The following RGS7 variants were observed in gnomAD, a reference collection of about 807,000 sequenced individuals.
The protein encoded by RGS7 is regulator of G protein signaling 7.
In RGS7, 27 loss-of-function variants were observed where a neutral mutation model predicts 81.1. That is an observed-to-expected ratio of 0.33 (90% confidence interval 0.25 to 0.46). RGS7 has a LOEUF of 0.46. RGS7 is among the 20% of genes least tolerant of loss of function. The pLI is 1.00. For missense variants in RGS7, 396 were observed against 607.4 expected, an observed-to-expected ratio of 0.65 and a Z score of 3.66; for synonymous variants, 208 against 207.7, an observed-to-expected ratio of 1.00 and a Z score of -0.01.
intron 2 of RGS7, among the ~76,000 whole-genome samples, chr1:241,266,447 T>C (rs1553303988): frequency 6.6e-6 from 1 of 152,216 alleles, no homozygotes; most frequent in Non-Finnish European, 1.5e-5. Context: ...ACTTATTCCA[T>C]TCTTTAATTT....
At chr1:241,178,606 G>T (rs1558159300) in intron 2 of RGS7, among the ~76,000 whole-genome samples, 1 of 152,164 alleles carries the variant, frequency 6.6e-6, no homozygotes, top group South Asian at 2.1e-4. Flanking sequence ...GTTGTTTCAG[G>T]AAGGAGGACA....
At chr1:241,074,645 A>T (rs1197117942) in intron 3 of RGS7, among the ~76,000 whole-genome samples, 1 of 152,198 alleles carries the variant, frequency 6.6e-6, no homozygotes, top group Non-Finnish European at 1.5e-5. Context: ...TTCTAGCGAA[A>T]GTACTGGCCA....
At chr1:240,827,864 CAAAAAAAAAAAA>C (rs57562408) in intron 9 of RGS7, among the ~76,000 whole-genome samples, 1 of 52,864 alleles carries the variant, frequency 1.9e-5, no homozygotes, top group African/African-American at 5.2e-5. Flanking sequence ...AACTCCATTG[CAAAAAAAAAAAA>C]AAAAAAAAAA....
At chr1:241,277,541 C>A (rs1347808606) in intron 2 of RGS7, among the ~76,000 whole-genome samples, 1 of 151,890 alleles carries the variant, frequency 6.6e-6, no homozygotes, top group East Asian at 1.9e-4. Flanking sequence ...ATGGTGTGAA[C>A]CCAGGAGGTG....
intron 2 of RGS7, among the ~76,000 whole-genome samples, chr1:241,104,991 G>T (rs1008679061): frequency 6.6e-6 from 1 of 152,170 alleles, no homozygotes; most frequent in Non-Finnish European, 1.5e-5. Context: ...ATTTGGTCTT[G>T]AGATGTTTGA....
chr1:241,237,493 A>G (rs2076042863), intron 2 of RGS7, among the ~76,000 whole-genome samples: 1 of 152,168 alleles, frequency 6.6e-6, no homozygotes, highest in Admixed American at 6.5e-5. Flanking sequence ...AGGAGCACGT[A>G]TATTAACAAG....
rs546646939 is a variant in RGS7 at position 240,934,077 on chromosome 1, C to T, written c.333+2523G>A. Among the ~76,000 whole-genome samples the T allele has an allele frequency of 3.7e-4, 56 of 152,252 alleles. 1 individual carries two copies. Among genetic ancestry groups the T allele is most frequent in the Admixed American group, 1.2e-3 (18 of 15,288 alleles). On this transcript the variant is annotated intron_variant, in intron 5 of 18. Transcript: ENST00000440928. ...CTCCTGGGTTCAAGCAATTCTCCTGCCTCAGCCTCCCAAGTAGCTGGGACT... is the reference window on the plus strand; with the variant it reads ...CTCCTGGGTTCAAGCAATTCTCCTGTCTCAGCCTCCCAAGTAGCTGGGACT...
chr1:241,020,361 C>G (rs1247829202), intron 3 of RGS7, among the ~76,000 whole-genome samples: 1 of 151,958 alleles, frequency 6.6e-6, no homozygotes, highest in African/African-American at 2.4e-5. Context: ...GGTCATACTC[C>G]CTTCAAAAGC....
chr1:240,920,305 G>T, intron 6 of RGS7: 1 of 1,416,154 alleles, frequency 7.1e-7, no homozygotes. Context: ...TTTGGTCGTG[G>T]AGGAAACTTC....
chr1:240,891,184 T>C (rs1430232461), intron 6 of RGS7, among the ~76,000 whole-genome samples: 1 of 139,768 alleles, frequency 7.2e-6, no homozygotes, highest in East Asian at 2.1e-4. Flanking sequence ...AATTTAATTA[T>C]TTTTTTCCAG....
chr1:241,124,165 G>A (rs2066486591), intron 2 of RGS7, among the ~76,000 whole-genome samples: 1 of 151,958 alleles, frequency 6.6e-6, no homozygotes, highest in Non-Finnish European at 1.5e-5. Flanking sequence ...AGGCCGAGGC[G>A]GGAGGACTGC....
chr1:240,894,706 T>C (rs12755230), intron 6 of RGS7, among the ~76,000 whole-genome samples: 2 of 152,074 alleles, frequency 1.3e-5, no homozygotes, highest in African/African-American at 2.4e-5. Flanking sequence ...ATTTTAATGG[T>C]CTAAAAATAT....
chr1:240,851,995 T>C (rs1207803756), intron 9 of RGS7, among the ~76,000 whole-genome samples: 1 of 152,226 alleles, frequency 6.6e-6, no homozygotes, highest in Admixed American at 6.5e-5. Context: ...GAATATTATA[T>C]AAACTTAGTT....
chr1:240,920,737 T>C (rs1334376664), intron 6 of RGS7: 2 of 580,338 alleles, frequency 3.4e-6, no homozygotes, highest in Non-Finnish European at 6.4e-6. Context: ...AAAGAAGACA[T>C]GTTTTAGACA....
intron 2 of RGS7, among the ~76,000 whole-genome samples, chr1:241,336,296 C>T (rs1454549621): frequency 1.3e-5 from 2 of 151,996 alleles, no homozygotes; most frequent in African/African-American, 4.8e-5. Flanking sequence ...TTCCTGAGCC[C>T]CACCTATGTG....
At chr1:240,861,584 T>C (rs191520720) in intron 9 of RGS7, among the ~76,000 whole-genome samples, 187 of 152,290 alleles carry the variant, frequency 1.2e-3, no homozygotes, top group Non-Finnish European at 2.2e-3. Flanking sequence ...TATTTTATTT[T>C]CCAGTCATTT....
intron 2 of RGS7, among the ~76,000 whole-genome samples, chr1:241,141,637 T>A (rs2067929144): frequency 6.6e-6 from 1 of 152,072 alleles, no homozygotes; most frequent in Non-Finnish European, 1.5e-5. Context: ...GAACTCAGTA[T>A]CACAAGAACA....
chr1:240,954,968 C>T (rs1281077337), intron 4 of RGS7, among the ~76,000 whole-genome samples: 1 of 152,056 alleles, frequency 6.6e-6, no homozygotes, highest in East Asian at 1.9e-4. Context: ...ACAATTGGAA[C>T]TTGAATTTAA....
intron 3 of RGS7, among the ~76,000 whole-genome samples, chr1:241,065,110 C>T (rs1428298998): frequency 6.6e-6 from 1 of 151,752 alleles, no homozygotes; most frequent in Non-Finnish European, 1.5e-5. Flanking sequence ...ATTTAACAAG[C>T]TAATTTGTCT....
Sources: gnomAD v4.1 joint callset for allele counts (sites outside exome capture counted in the v4.1 genomes callset) on GRCh38, gnomAD v4.1.1 for gene constraint, MANE v1.5 for transcripts, NCBI Gene and HGNC (gene_info 2026-07-23, HGNC 2026-07-21) for gene names.